The following DDX60L variants were observed in gnomAD, a reference collection of about 807,000 sequenced individuals.
DDX60L encodes DExD/H-box 60 like, also known as probable ATP-dependent RNA helicase DDX60-like.
Under a neutral mutation model 211.6 loss-of-function variants are expected in DDX60L, and 191 were observed. The observed-to-expected ratio is 0.90, with a 90% confidence interval of 0.80 to 1.02. DDX60L has a LOEUF of 1.02. DDX60L is among the 50% of genes least tolerant of loss of function. DDX60L has a pLI of 0.00. For missense variants in DDX60L, 2,007 were observed against 1,984.1 expected (o/e 1.01, Z -0.22); for synonymous variants, 706 against 694.1 (o/e 1.02, Z -0.27).
intron 29 of DDX60L, among the ~76,000 whole-genome samples, chr4:168,386,749 T>G (rs532373782): frequency 1.3e-5 from 2 of 151,712 alleles, no homozygotes; most frequent in Non-Finnish European, 2.9e-5. Context: ...AAAATGAGAT[T>G]CCTGAAGATT....
chr4:168,390,833 T>C lies in DDX60L; in HGVS notation c.3915+707A>G, dbSNP rs946216985. Among the ~76,000 whole-genome samples the C allele has an allele frequency of 2.0e-5, 3 of 152,128 alleles. No homozygotes were observed. The East Asian group carries it at 5.8e-4, about 29-fold the overall frequency. ...TTCTCACTCTCAACCTTGTTTTTGT[T>C]TCATTTATCTCTCTTTCCTCCCTCG... On this transcript the variant is annotated intron_variant, in intron 29 of 37. Transcript: ENST00000682922.
chr4:168,399,370 A>G (rs10002730), intron 26 of DDX60L, among the ~76,000 whole-genome samples: 146,024 of 152,196 alleles, frequency 0.96, 70,319 homozygotes, highest in East Asian at 1. Context: ...ATGTTCCCCC[A>G]TGCCAGCCGT....
At position 168,358,159 on chromosome 4, in the gene DDX60L, A is replaced by AT; in HGVS notation, c.5108dup (p.Asn1703LysfsTer26). 1.9e-6 allele frequency: 3 copies of AT among 1,609,066 alleles called. No homozygotes were observed. Among genetic ancestry groups the AT allele is most frequent in the Non-Finnish European group, 2.5e-6 (3 of 1,177,742 alleles). ...GTTTTCCATGGTGTTATTCTAAATG[A>AT]TTTTGACTCATTTGAATTTGCATTT... On this transcript the variant is annotated frameshift_variant, in exon 38 of 38. Transcript: ENST00000682922. LOFTEE classifies it high-confidence loss of function.
Position 168,453,265 on chromosome 4 carries a change from T to G in DDX60L, c.855A>C (p.Leu285=), listed in dbSNP as rs945541194. Reference sequence around the variant, plus strand: ...AGAAATCTTCCACCTCCTGCAGGGATAGGCAATTACTGTGCACCTGCGTAC... The same window carrying G: ...AGAAATCTTCCACCTCCTGCAGGGAGAGGCAATTACTGTGCACCTGCGTAC... ...YHRVLVHSNC[L]SLQEVEDFCR... The change falls in exon 8 of 38, where the codon CTA becomes CTC. Residue 285 remains leucine (L), a synonymous_variant. Coordinates refer to ENST00000682922, the MANE Select transcript of DDX60L (RefSeq NM_001012967.3). The G allele has an allele frequency of 6.2e-7, 1 of 1,611,912 alleles. No homozygotes were observed. Among genetic ancestry groups the G allele is most frequent in the Admixed American group, 1.7e-5 (1 of 59,680 alleles).
At chr4:168,457,647 AT>A (rs1259292046) in intron 6 of DDX60L, among the ~76,000 whole-genome samples, 10 of 152,138 alleles carry the variant, frequency 6.6e-5, no homozygotes, top group African/African-American at 2.4e-4. Flanking sequence ...AAGTACTACA[AT>A]TTTCTAGTTT....
At chr4:168,477,215 A>G (rs574328282) in intron 1 of DDX60L, among the ~76,000 whole-genome samples, 5 of 152,250 alleles carry the variant, frequency 3.3e-5, no homozygotes, top group South Asian at 4.1e-4. Context: ...GGAGATCGAG[A>G]CCATCCTGGC....
At position 168,456,157 on chromosome 4, in the gene DDX60L, C is replaced by CA; in HGVS notation, c.724-6dup. On this transcript the variant is annotated splice_polypyrimidine_tract_variant and splice_region_variant and intron_variant, in intron 6 of 37. Transcript: ENST00000682922. The stretch of plus-strand genomic sequence containing the variant: ...CAGAAATAGAGTCTGATACGCCTAT[C>CA]AAAAAAGAAATTTCTTCAAATGTCA... 1 of 1,509,588 alleles carries CA rather than the reference C, an allele frequency of 6.6e-7. No individual in the cohort carries two copies. The highest frequency in any genetic ancestry group is 8.8e-7 in the Non-Finnish European group (1 of 1,131,212). 93.5% of individuals were successfully genotyped at this position (1,509,588 alleles called of 1,614,324 possible). A position where few individuals can be genotyped will look rare whatever the true frequency, so the allele number is the denominator to read the frequency against.
intron 22 of DDX60L, among the ~76,000 whole-genome samples, chr4:168,412,789 T>C (rs1256158695): frequency 2.0e-5 from 3 of 152,242 alleles, no homozygotes; most frequent in African/African-American, 7.2e-5. Flanking sequence ...AGGGATGCTA[T>C]GTTGCTTTCT....
chr4:168,458,230 T>C (rs1756855697), intron 5 of DDX60L, among the ~76,000 whole-genome samples: 1 of 152,170 alleles, frequency 6.6e-6, no homozygotes, highest in South Asian at 2.1e-4. Context: ...TCAACCATTA[T>C]GGAAGACAGT....
chr4:168,428,229 A>G lies in DDX60L; in HGVS notation c.1678-907T>C, dbSNP rs1751776267. ...AGGTTAGGTCTGTGGGCTGAGGTGGAGCCTCTGCAGTTGAAAGCATGTGTT... is the reference window on the plus strand; with the variant it reads ...AGGTTAGGTCTGTGGGCTGAGGTGGGGCCTCTGCAGTTGAAAGCATGTGTT... On this transcript the variant is annotated intron_variant, in intron 13 of 37. Coordinates refer to ENST00000682922, the MANE Select transcript of DDX60L (RefSeq NM_001012967.3). 2.6e-5 allele frequency among the ~76,000 whole-genome samples: 4 copies of G among 152,272 alleles called. No individual in the cohort carries two copies. The South Asian group carries it at 8.3e-4, about 32-fold the overall frequency.
intron 36 of DDX60L, among the ~76,000 whole-genome samples, chr4:168,362,272 G>A (rs1415777698): frequency 6.6e-6 from 1 of 152,206 alleles, no homozygotes; most frequent in Non-Finnish European, 1.5e-5. Context: ...CTGCCACACA[G>A]CCAGCAGTCC....
intron 37 of DDX60L, among the ~76,000 whole-genome samples, chr4:168,359,354 T>C (rs1333663499): frequency 2.6e-5 from 4 of 152,230 alleles, no homozygotes; most frequent in Non-Finnish European, 5.9e-5. Context: ...TTCCAACTCA[T>C]ACTTTTTTAT....
rs534335430 is a variant in DDX60L at position 168,419,495 on chromosome 4, C to A, written c.2515-98G>T. The stretch of plus-strand genomic sequence containing the variant: ...CTAGAAAATATGCTGCTGCTGATAG[C>A]AGTTTCATTAAGATAATATTGCATC... On this transcript the variant is annotated intron_variant, in intron 18 of 37. Transcript: ENST00000682922. The A allele has an allele frequency of 6.9e-4, 493 of 714,926 alleles. 2 individuals carry two copies. In the African/African-American group the frequency reaches 8.2e-3, roughly 12 times the overall value. 44.3% of individuals were successfully genotyped at this position (714,926 alleles called of 1,614,324 possible).
At position 168,358,022 on chromosome 4, in the gene DDX60L, T is replaced by C. The variant is rs531461813; in HGVS notation, c.*125A>G. ...CAGTTAGAAAATAGCAGAGCTGATA[T>C]CTGAGTTTAATTCTGTTTGACTCCA... On this transcript the variant is annotated 3_prime_UTR_variant, in exon 38 of 38. Coordinates refer to ENST00000682922, the MANE Select transcript of DDX60L (RefSeq NM_001012967.3). 1.5e-5 allele frequency: 12 copies of C among 816,894 alleles called. No homozygotes were observed. 50.6% of individuals were successfully genotyped at this position (816,894 alleles called of 1,614,324 possible).
At chr4:168,442,386 C>T (rs1323221695) in intron 9 of DDX60L, among the ~76,000 whole-genome samples, 1 of 152,064 alleles carries the variant, frequency 6.6e-6, no homozygotes, top group African/African-American at 2.4e-5. Context: ...GCTAGCACAG[C>T]AGTCTGAGAT....
At chr4:168,421,470 C>T (rs765317860) in intron 17 of DDX60L, among the ~76,000 whole-genome samples, 3 of 152,156 alleles carry the variant, frequency 2.0e-5, no homozygotes, top group Non-Finnish European at 2.9e-5. Context: ...GCCTAGCCAA[C>T]ATGGTGAAAC....
intron 10 of DDX60L, among the ~76,000 whole-genome samples, chr4:168,440,471 A>G (rs2149992002): frequency 6.6e-6 from 1 of 152,290 alleles, no homozygotes; most frequent in South Asian, 2.1e-4. Context: ...ACAATTTCCT[A>G]AGTCCTTAAC....
chr4:168,394,501 C>G lies in DDX60L; in HGVS notation c.3774G>C (p.Glu1258Asp). The part of the protein sequence containing the change: ...HHSSMYFKEK[E>D]FVEILFVKGL... The stretch of plus-strand genomic sequence containing the variant: ...CTTTTACAAAGAGTATCTCAACAAA[C>G]TCTTTTTCTTTAAAATACATGCTGC... The change falls in exon 28 of 38, where the codon GAG (glutamate) becomes GAC (aspartate). Residue 1258 changes from glutamate (E) to aspartate (D), a missense_variant. By Grantham distance (45) the Glu-to-Asp change is conservative. Transcript: ENST00000682922. 1 of 1,610,608 alleles carries G rather than the reference C, an allele frequency of 6.2e-7. No homozygotes were observed. The highest frequency in any genetic ancestry group is 8.5e-7 in the Non-Finnish European group (1 of 1,178,804).
chr4:168,433,107 A>G lies in DDX60L; in HGVS notation c.1303T>C (p.Leu435=), dbSNP rs200461240. ...QEKSVIQEIS[L]EKMPSVGFIP... ...AAGCCCACACTAGGCATCTTTTCCA[A>G]GGAGATTTCTGAAAACAAATATAAA... The change falls in exon 11 of 38, where the codon TTG becomes CTG. Residue 435 remains leucine (L), a synonymous_variant. Transcript: ENST00000682922. 2.2e-5 allele frequency: 35 copies of G among 1,601,214 alleles called. No individual in the cohort carries two copies. The highest frequency in any genetic ancestry group is 2.7e-5 in the Non-Finnish European group (32 of 1,172,208).
Sources: gnomAD v4.1 joint callset for allele counts (sites outside exome capture counted in the v4.1 genomes callset) on GRCh38, gnomAD v4.1.1 for gene constraint, MANE v1.5 for transcripts, NCBI Gene and HGNC (gene_info 2026-07-23, HGNC 2026-07-21) for gene names.